FCRL1: variants seen among roughly 807,000 people sequenced by gnomAD.
The protein encoded by FCRL1 is Fc receptor like 1.
In FCRL1, 34 loss-of-function variants were observed where a neutral mutation model predicts 49.2. The observed-to-expected ratio is 0.69, with a 90% CI of 0.53 to 0.92. The LOEUF (loss-of-function observed/expected upper bound fraction) is 0.92, where lower values mean the gene tolerates loss of function less well. FCRL1 is among the 40% of genes least tolerant of loss of function. The pLI is 0.00. For missense variants in FCRL1, 524 were observed against 524.1 expected (o/e 1.00, Z 0.00); for synonymous variants, 218 against 201.6 (o/e 1.08, Z -0.69).
chr1:157,802,742 G>A, intron 3 of FCRL1, 78 bp from the exon 4 acceptor site: 2 of 1,427,478 alleles, frequency 1.4e-6, no homozygotes, highest in Non-Finnish European at 9.4e-7. Flanking sequence ...TGACGGTCCT[G>A]AAAGCAAAGA....
chr1:157,801,624 G>A (rs559841783), intron 5 of FCRL1, 47 bp from the exon 6 acceptor site: 2 of 1,340,152 alleles, frequency 1.5e-6, no homozygotes, highest in East Asian at 4.6e-5. Context: ...AAGGGCTTGG[G>A]GCTTAGAGAG....
At chr1:157,810,566 G>A (rs563105400) in intron 1 of FCRL1, among the ~76,000 whole-genome samples, 2 of 152,082 alleles carry the variant, frequency 1.3e-5, no homozygotes, top group South Asian at 4.2e-4. Context: ...CCAAGTGCTG[G>A]GATTACAGTC....
rs115283642 is a variant in FCRL1 at position 157,802,348 on chromosome 1, C to T, written c.607+29G>A. ...AATGTGGAGCCCAGTTTGTGACTGG[C>T]TGGCTGAACGAAGGGTAGTGGAACT... On this transcript the variant is annotated intron_variant, in intron 4 of 10. Transcript: ENST00000368176. 538 of 1,605,276 alleles carry T rather than the reference C, an allele frequency of 3.4e-4. 4 individuals are homozygous for T. The African/African-American group carries it at 5.5e-3, about 16-fold the overall frequency.
At chr1:157,807,030 G>T (rs1488996850) in intron 2 of FCRL1, 72 bp downstream of exon 2, 23 of 1,553,750 alleles carry the variant, frequency 1.5e-5, no homozygotes, top group Non-Finnish European at 1.9e-5. Flanking sequence ...ACAGCAATCT[G>T]CAGGCCTCCT....
At chr1:157,804,145 C>A (rs530600664) in intron 2 of FCRL1, 34 bp from the exon 3 acceptor site, 4 of 1,601,506 alleles carry the variant, frequency 2.5e-6, no homozygotes, top group Non-Finnish European at 8.5e-7. Flanking sequence ...ATGATTAATG[C>A]GGTTCGGAAT....
chr1:157,810,307 T>TG (rs1296794190), intron 1 of FCRL1, among the ~76,000 whole-genome samples: 3 of 151,658 alleles, frequency 2.0e-5, no homozygotes, highest in Non-Finnish European at 4.4e-5. Flanking sequence ...TTTCTTTTTT[T>TG]TTTTTTTAAG....
chr1:157,802,294 C>G (rs1359171380), intron 4 of FCRL1, 83 bp downstream of exon 4: 7 of 1,577,766 alleles, frequency 4.4e-6, no homozygotes, highest in Non-Finnish European at 5.2e-6. Context: ...CCTCAGCATG[C>G]CCCAGGGAAA....
At chr1:157,801,830 C>T (rs780248998) in intron 5 of FCRL1, 85 bp downstream of exon 5, 1,176 of 1,503,476 alleles carry the variant, frequency 7.8e-4, no homozygotes, top group Non-Finnish European at 9.9e-4. Flanking sequence ...AGCAAACCCC[C>T]GGAAGCACAG....
At chr1:157,797,659 A>G (rs963290363) in intron 9 of FCRL1, 11 of 1,307,764 alleles carry the variant, frequency 8.4e-6, no homozygotes, top group African/African-American at 1.5e-5. Flanking sequence ...TTGACAGCCC[A>G]TCCCCAGGGG....
chr1:157,815,928 C>G (rs1219353324), intron 1 of FCRL1, among the ~76,000 whole-genome samples: 1 of 151,762 alleles, frequency 6.6e-6, no homozygotes, highest in Non-Finnish European at 1.5e-5. Context: ...CTGAACAGAC[C>G]AATAACAACT....
rs758374272 is a variant in FCRL1, at chr1:157,801,473, T to C, written c.991A>G (p.Lys331Glu). 2 of 1,610,168 alleles carry C rather than the reference T, an allele frequency of 1.2e-6. No individual in the cohort carries two copies. The highest frequency in any genetic ancestry group is 2.2e-5 in the South Asian group (2 of 90,906). Residue 331 changes from lysine to glutamate, a missense_variant, in exon 6 of 11, where the codon AAA becomes GAA. By Grantham distance (56) the Lys-to-Glu change is moderately conservative (BLOSUM62 1). Transcript: ENST00000368176. ...TTTAAATACTAACCTATTTTTCTTT[T>C]GAGGCCGTAGCAAAATAATAAGGCC... ...TVALLFCYGLKRKIGRRSARD... is the reference protein window; with the variant it reads ...TVALLFCYGLERKIGRRSARD...
chr1:157,801,807 C>T (rs1299701800), intron 5 of FCRL1, 108 bp downstream of exon 5: 3 of 1,337,740 alleles, frequency 2.2e-6, no homozygotes, highest in South Asian at 1.4e-5. Context: ...CACACAGAGG[C>T]CCCACCATGG....
Position 157,796,134 on chromosome 1 carries a change from T to A in FCRL1, c.1255A>T (p.Asn419Tyr). The change falls in exon 11 of 11, where the codon AAC becomes TAC. Residue 419 changes from asparagine to tyrosine, a missense_variant. Asn to Tyr is a moderately radical substitution (Grantham distance 143). Transcript: ENST00000368176. ...TCTTCATAGTCCACATCTGTAATGT[T>A]TGCTTTCCTCAGCCTGGAATAGATG... ...LDIYSRLRKA[N>Y]ITDVDYEDAM is the part of the protein sequence containing the mutation. 1.2e-6 allele frequency: 2 copies of A among 1,614,114 alleles called. No individual in the cohort carries two copies. Among genetic ancestry groups the A allele is most frequent in the Non-Finnish European group, 1.7e-6 (2 of 1,179,966 alleles).
rs376459525 is a variant in FCRL1 at position 157,820,102 on chromosome 1, C to T, written c.-65G>A. The stretch of plus-strand genomic sequence containing the variant: ...TCAAAAAAAGAATGCACCTCAGAGT[C>T]GAGCAGCAGCAGCTCATCAGAGGTT... On this transcript the variant is annotated 5_prime_UTR_variant, in exon 1 of 11. Transcript: ENST00000368176. 1.3e-5 allele frequency: 21 copies of T among 1,574,680 alleles called. 1 individual carries two copies. In the Middle Eastern group the frequency reaches 8.4e-4, roughly 63 times the overall value.
chr1:157,797,905 C>T lies in FCRL1; in HGVS notation c.1149G>A (p.Leu383=). 1 of 1,614,160 alleles carries T rather than the reference C, an allele frequency of 6.2e-7. No homozygotes were observed. Among genetic ancestry groups the T allele is most frequent in the Non-Finnish European group, 8.5e-7 (1 of 1,180,022 alleles). ...NVVSGDEVYS[L]AYYNQPEQES... ...CCTGCTCCGGCTGGTTATAGTACGC[C>T]AGTGAATAAACCTCATCCCCACTTA... Residue 383 remains leucine (L), a synonymous_variant, in exon 9 of 11, where the codon CTG becomes CTA. Transcript: ENST00000368176.
intron 4 of FCRL1, 29 bp downstream of exon 4, chr1:157,802,347 GC>G: frequency 6.2e-7 from 1 of 1,605,272 alleles, no homozygotes; most frequent in African/African-American, 1.3e-5. Context: ...TTTGTGACTG[GC>G]TGGCTGAACG....
intron 3 of FCRL1, 104 bp from the exon 4 acceptor site, chr1:157,802,768 A>G: frequency 8.3e-7 from 1 of 1,198,712 alleles, no homozygotes; most frequent in Non-Finnish European, 1.1e-6. Context: ...AGTGAAGTCA[A>G]TGATGTATAT....
intron 7 of FCRL1, among the ~76,000 whole-genome samples, chr1:157,799,647 C>A (rs1214812276): frequency 1.4e-5 from 2 of 144,788 alleles, no homozygotes; most frequent in East Asian, 4.4e-4. Flanking sequence ...TTGTGGGGTG[C>A]GGGGGAGGAG....
At chr1:157,798,358 G>A (rs1022914936) in intron 7 of FCRL1, 115 bp from the exon 8 acceptor site, 26 of 863,380 alleles carry the variant, frequency 3.0e-5, no homozygotes, top group South Asian at 7.0e-5. Flanking sequence ...ACTAAGTTAC[G>A]GGGAAATGAG....
Sources: allele counts gnomAD v4.1 joint callset (sites outside exome capture counted in the v4.1 genomes callset), GRCh38; gene constraint gnomAD v4.1.1; transcripts MANE v1.5; gene names NCBI Gene and HGNC (gene_info 2026-07-23, HGNC 2026-07-21).